TTYH3: variants seen among roughly 807,000 people sequenced by gnomAD.
TTYH3 encodes the protein tweety family member 3.
A neutral mutation model predicts 68.2 loss-of-function variants in TTYH3; 23 were observed. That is an observed-to-expected ratio of 0.34 (90% CI 0.24 to 0.48). TTYH3 has a LOEUF of 0.48. TTYH3 is among the 20% of genes least tolerant of loss of function. The probability of loss-of-function intolerance (pLI) is 0.99; values close to 1 mark genes in which losing one functional copy is unlikely to be tolerated. For missense variants in TTYH3, 768 were observed against 727.7 expected, an observed-to-expected ratio of 1.06 and a Z score of -0.64; for synonymous variants, 360 against 332.8, an observed-to-expected ratio of 1.08 and a Z score of -0.89.
At chr7:2,641,936 C>T (rs116537915) in intron 1 of TTYH3, among the ~76,000 whole-genome samples, 217 of 152,352 alleles carry the variant, frequency 1.4e-3, no homozygotes, top group African/African-American at 4.8e-3. Context: ...GGCTGGGACC[C>T]GGGCAGCCCA....
At chr7:2,636,832 G>A (rs779699938) in intron 1 of TTYH3, among the ~76,000 whole-genome samples, 4 of 152,184 alleles carry the variant, frequency 2.6e-5, no homozygotes, top group African/African-American at 7.2e-5. Context: ...CCCTTGGCCC[G>A]GCCGCTGCCC....
chr7:2,655,461 G>A lies in TTYH3; in HGVS notation c.1021-631G>A, dbSNP rs967726250. Among the ~76,000 whole-genome samples, 7 of 152,192 alleles carry A rather than the reference G, an allele frequency of 4.6e-5. 1 individual carries two copies. Among genetic ancestry groups the A allele is most frequent in the African/African-American group, 1.7e-4 (7 of 41,460 alleles). On this transcript the variant is annotated intron_variant, in intron 9 of 13. Transcript: ENST00000258796. ...GCTCCCGGCCCCAAAATCCATTTCA[G>A]GATTGTAGTGGGTCCTTAGAAAACG... is the stretch of plus-strand genomic sequence containing the variant.
Position 2,658,964 on chromosome 7 carries a change from C to G in TTYH3, c.1449C>G (p.Asn483Lys). 1 of 1,614,060 alleles carries G rather than the reference C, an allele frequency of 6.2e-7. No individual in the cohort carries two copies. The highest frequency in any genetic ancestry group is 8.5e-7 in the Non-Finnish European group (1 of 1,179,924). ...EYMSQNANFQ[N>K]PRCENTPLIG... ...GGAGCCAGAACGCTAATTTCCAGAA[C>G]CCCCGCTGTGAGAACACCCCACTCA... The change falls in exon 13 of 14, where the codon AAC becomes AAG. Residue 483 changes from asparagine to lysine, a missense_variant. Asn to Lys is a moderately conservative substitution (Grantham distance 94). Transcript: ENST00000258796.
intron 6 of TTYH3, 21 bp downstream of exon 6, chr7:2,649,660 G>T (rs1786106495): frequency 6.3e-7 from 1 of 1,589,316 alleles, no homozygotes; most frequent in Non-Finnish European, 8.5e-7. Context: ...GAGGGGGTGA[G>T]GTCCCCGGCT....
In TTYH3 at chr7:2,661,958, C is replaced by G. The variant is rs966756559; in HGVS notation, c.*219C>G. ...CGCCAACTCGGGTCACACCTGAACG[C>G]TGCTGCCAGCCGATGCCCCAGCCCT... On this transcript the variant is annotated 3_prime_UTR_variant, in exon 14 of 14. Transcript: ENST00000258796. 3.3e-6 allele frequency: 2 copies of G among 609,156 alleles called. No homozygotes were observed. The highest frequency in any genetic ancestry group is 5.8e-6 in the Non-Finnish European group (2 of 343,520). The allele number at this position is 609,156 out of a possible 1,614,324, so 37.7% of individuals were successfully genotyped here.
chr7:2,646,576 C>G (rs12537677), intron 1 of TTYH3, among the ~76,000 whole-genome samples: 37,960 of 152,086 alleles, frequency 0.25, 4,902 homozygotes, highest in African/African-American at 0.32. Flanking sequence ...TCGGTTCACC[C>G]GGCCCCTCCT....
intron 8 of TTYH3, among the ~76,000 whole-genome samples, chr7:2,652,640 C>T (rs185843331): frequency 5.3e-4 from 81 of 152,266 alleles, no homozygotes; most frequent in African/African-American, 1.9e-3. Flanking sequence ...GTCATTGTAC[C>T]GGTAGCATGT....
chr7:2,656,145 G>T lies in TTYH3; in HGVS notation c.1074G>T (p.Gln358His). ...EVLNGTEVNLQHLTALVDCRS... is the reference protein window; with the variant it reads ...EVLNGTEVNLHHLTALVDCRS... ...TGAATGGCACGGAGGTGAACCTGCA[G>T]CACCTCACCGCCCTGGTGGACTGCC... is the stretch of plus-strand genomic sequence containing the variant. Residue 358 changes from glutamine (Q) to histidine (H), a missense_variant, in exon 10 of 14, where the codon CAG becomes CAT. Coordinates refer to ENST00000258796, the MANE Select transcript of TTYH3 (RefSeq NM_025250.3). The T allele has an allele frequency of 6.4e-7, 1 of 1,571,142 alleles. No homozygotes were observed. Among genetic ancestry groups the T allele is most frequent in the Non-Finnish European group, 8.6e-7 (1 of 1,158,596 alleles).
chr7:2,659,132 G>A, intron 13 of TTYH3, 117 bp downstream of exon 13: 1 of 1,018,724 alleles, frequency 9.8e-7, no homozygotes, highest in Admixed American at 2.1e-5. Context: ...GGGGGCAGCT[G>A]TGAGCTGCCA....
chr7:2,660,369 A>G (rs558209536), intron 13 of TTYH3: 1 of 985,136 alleles, frequency 1.0e-6, no homozygotes, highest in Non-Finnish European at 1.2e-6. Flanking sequence ...AGACCCCTGT[A>G]TGTGCCCGGG....
chr7:2,648,335 C>G, intron 5 of TTYH3: 1 of 397,872 alleles, frequency 2.5e-6, no homozygotes, highest in Non-Finnish European at 4.5e-6. Flanking sequence ...AGCAACCTGC[C>G]CAGGTCTCCG....
At chr7:2,660,390 T>C in intron 13 of TTYH3, 1 of 985,376 alleles carries the variant, frequency 1.0e-6, no homozygotes, top group Non-Finnish European at 1.2e-6. Context: ...CCCCTGGGCA[T>C]GTGGCCAGCA....
intron 1 of TTYH3, among the ~76,000 whole-genome samples, chr7:2,634,262 CT>C (rs1785600485): frequency 6.6e-6 from 1 of 152,216 alleles, no homozygotes; most frequent in African/African-American, 2.4e-5. Context: ...TCGGCAACTG[CT>C]TGGTGTCTCT....
At position 2,661,914 on chromosome 7, in the gene TTYH3, A is replaced by G; in HGVS notation, c.*175A>G. On this transcript the variant is annotated 3_prime_UTR_variant, in exon 14 of 14. Transcript: ENST00000258796. ...CCCCGCAGGGGCACAGTGGAGACGCAGGGGCTCTGGGCCCGTACCGCCAAC... is the reference window on the plus strand; with the variant it reads ...CCCCGCAGGGGCACAGTGGAGACGCGGGGGCTCTGGGCCCGTACCGCCAAC... 2.8e-6 allele frequency: 2 copies of G among 705,296 alleles called. No individual in the cohort carries two copies. The highest frequency in any genetic ancestry group is 2.4e-5 in the Admixed American group (1 of 41,176). The allele number at this position is 705,296 out of a possible 1,614,324, so 43.7% of individuals were successfully genotyped here. A position where few individuals can be genotyped will look rare whatever the true frequency, so the allele number is the denominator to read the frequency against.
In TTYH3 at chr7:2,662,042, C is replaced by A; in HGVS notation, c.*303C>A. 2 of 554,888 alleles carry A rather than the reference C, an allele frequency of 3.6e-6. No homozygotes were observed. The highest frequency in any genetic ancestry group is 4.1e-5 in the South Asian group (2 of 49,326). 34.4% of individuals were successfully genotyped at this position (554,888 alleles called of 1,614,324 possible). A position where few individuals can be genotyped will look rare whatever the true frequency, so the allele number is the denominator to read the frequency against. Reference sequence around the variant, plus strand: ...GCAGATGGTCGCCGCACCTACAAGCCCTGGCCGCACCCAACCTGTGTTGTT... The same window carrying A: ...GCAGATGGTCGCCGCACCTACAAGCACTGGCCGCACCCAACCTGTGTTGTT... On this transcript the variant is annotated 3_prime_UTR_variant, in exon 14 of 14. Coordinates refer to ENST00000258796, the MANE Select transcript of TTYH3 (RefSeq NM_025250.3).
At chr7:2,634,419 C>T (rs1291290533) in intron 1 of TTYH3, among the ~76,000 whole-genome samples, 5 of 152,094 alleles carry the variant, frequency 3.3e-5, no homozygotes, top group Admixed American at 6.5e-5. Context: ...TCCTGCCTCC[C>T]CTGGTGAGGA....
intron 1 of TTYH3, among the ~76,000 whole-genome samples, chr7:2,646,394 G>C (rs1008552786): frequency 6.6e-6 from 1 of 152,246 alleles, no homozygotes; most frequent in Non-Finnish European, 1.5e-5. Flanking sequence ...TGGCTGCAAA[G>C]ATGGTGGCTC....
intron 1 of TTYH3, among the ~76,000 whole-genome samples, chr7:2,632,938 C>T (rs560016935): frequency 2.1e-4 from 32 of 152,286 alleles, no homozygotes; most frequent in African/African-American, 7.7e-4. Context: ...CTGTAGCCCC[C>T]GGGGGAGGGA....
intron 2 of TTYH3, 57 bp downstream of exon 2, chr7:2,647,079 C>T: frequency 3.7e-6 from 2 of 537,190 alleles, no homozygotes; most frequent in Non-Finnish European, 5.6e-6. Flanking sequence ...CCCGAGGGGG[C>T]GGGGCTGGAG....
Sources: allele counts gnomAD v4.1 joint callset (sites outside exome capture counted in the v4.1 genomes callset), GRCh38; gene constraint gnomAD v4.1.1; transcripts MANE v1.5; gene names NCBI Gene and HGNC (gene_info 2026-07-23, HGNC 2026-07-21).